PLGRKT: variants seen among roughly 807,000 people sequenced by gnomAD.
PLGRKT encodes plasminogen receptor with a C-terminal lysine.
Under a neutral mutation model 18.5 loss-of-function variants are expected in PLGRKT, and 22 were observed. The observed-to-expected ratio is 1.19, with a 90% CI of 0.85 to 1.70. The LOEUF (loss-of-function observed/expected upper bound fraction) is 1.70, where lower values mean the gene tolerates loss of function less well. PLGRKT is among the 40% of genes most tolerant of loss of function. PLGRKT has a pLI of 0.00. For missense variants in PLGRKT, 235 were observed against 174.4 expected, an observed-to-expected ratio of 1.35 and a Z score of -1.96; for synonymous variants, 72 against 52.8, an observed-to-expected ratio of 1.36 and a Z score of -1.58.
chr9:5,382,709 C>T (rs903117871), intron 3 of PLGRKT, among the ~76,000 whole-genome samples: 3 of 152,118 alleles, frequency 2.0e-5, no homozygotes, highest in East Asian at 1.9e-4. Flanking sequence ...GCCCTCTGGC[C>T]GCCCTGTGAG....
At chr9:5,430,326 G>A (rs1586747330) in intron 3 of PLGRKT, among the ~76,000 whole-genome samples, 1 of 152,192 alleles carries the variant, frequency 6.6e-6, no homozygotes, top group African/African-American at 2.4e-5. Flanking sequence ...TGACAAGGAC[G>A]TGCTAAGCAT....
At chr9:5,383,399 C>T (rs1290987573) in intron 3 of PLGRKT, among the ~76,000 whole-genome samples, 1 of 152,172 alleles carries the variant, frequency 6.6e-6, no homozygotes, top group Non-Finnish European at 1.5e-5. Flanking sequence ...CAGTGGTCCC[C>T]AACCTTTTTG....
In PLGRKT at chr9:5,418,399, G is replaced by T; in HGVS notation, c.81+13498C>A. 1 of 821,440 alleles carries T rather than the reference G, an allele frequency of 1.2e-6. No individual in the cohort carries two copies. Among genetic ancestry groups the T allele is most frequent in the South Asian group, 1.4e-5 (1 of 72,090 alleles). The allele number at this position is 821,440 out of a possible 1,614,324, so 50.9% of individuals were successfully genotyped here. A position where few individuals can be genotyped will look rare whatever the true frequency, so the allele number is the denominator to read the frequency against. The stretch of plus-strand genomic sequence containing the variant: ...ACAAGATGTCACAGTCAAGCGCTTA[G>T]AAATGCAGGACATGTTATGGAGCAC... On this transcript the variant is annotated intron_variant, in intron 3 of 5. Transcript: ENST00000223864. This position sits in a 1 kb window ranked among gnomAD's most constrained non-coding sequence, Gnocchi z 4.2.
intron 2 of PLGRKT, among the ~76,000 whole-genome samples, chr9:5,436,261 A>G (rs968416739): frequency 1.3e-5 from 2 of 152,240 alleles, no homozygotes; most frequent in Non-Finnish European, 2.9e-5. Context: ...CATGGTGTCT[A>G]CTTCCCCTAA....
chr9:5,377,807 G>A (rs113789355), intron 3 of PLGRKT, among the ~76,000 whole-genome samples: 17 of 152,264 alleles, frequency 1.1e-4, no homozygotes, highest in African/African-American at 4.1e-4. Flanking sequence ...TCTCCAAAGT[G>A]GCAAATCTCT....
upstream of PLGRKT, among the ~76,000 whole-genome samples, chr9:5,438,146 A>G (rs1053013389): frequency 6.6e-6 from 1 of 152,188 alleles, no homozygotes; most frequent in Non-Finnish European, 1.5e-5. Context: ...CATCTGTTAA[A>G]TTGGCACTAT....
chr9:5,425,032 C>T (rs1409195204), intron 3 of PLGRKT, among the ~76,000 whole-genome samples: 1 of 152,040 alleles, frequency 6.6e-6, no homozygotes, highest in Admixed American at 6.6e-5. Flanking sequence ...TTTTAAAAAA[C>T]CTTTAGTTTG....
intron 3 of PLGRKT, among the ~76,000 whole-genome samples, chr9:5,412,306 T>A (rs1818381081): frequency 6.6e-6 from 1 of 152,212 alleles, no homozygotes; most frequent in Admixed American, 6.5e-5. Context: ...AAACCCCAAA[T>A]GGATTTGGAA....
chr9:5,432,214 G>C (rs775958830), intron 2 of PLGRKT, among the ~76,000 whole-genome samples: 4 of 152,120 alleles, frequency 2.6e-5, no homozygotes, highest in South Asian at 4.2e-4. Flanking sequence ...GATTGAACTA[G>C]ATAATTTCCA....
At chr9:5,392,150 C>CA (rs1398976960) in intron 3 of PLGRKT, among the ~76,000 whole-genome samples, 8 of 151,944 alleles carry the variant, frequency 5.3e-5, no homozygotes, top group Non-Finnish European at 1.2e-4. Flanking sequence ...ACTTAAATCT[C>CA]AGACGCTGTA....
intron 3 of PLGRKT, chr9:5,419,031 T>A: frequency 2.2e-6 from 1 of 460,430 alleles, no homozygotes; most frequent in Non-Finnish European, 4.0e-6. Context: ...GAGCTGGTCT[T>A]CAGAGGCCGC....
intron 3 of PLGRKT, among the ~76,000 whole-genome samples, chr9:5,430,552 A>C (rs1216037754): frequency 6.6e-6 from 1 of 152,228 alleles, no homozygotes; most frequent in East Asian, 1.9e-4. Context: ...AACTTGAGGC[A>C]TTGTTCTATA....
chr9:5,380,387 A>G lies in PLGRKT; in HGVS notation c.82-18499T>C, dbSNP rs80334276. Among the ~76,000 whole-genome samples, 8 of 149,380 alleles carry G rather than the reference A, an allele frequency of 5.4e-5. No homozygotes were observed. In the East Asian group the frequency reaches 1.4e-3, roughly 25 times the overall value. On this transcript the variant is annotated intron_variant, in intron 3 of 5. Coordinates refer to ENST00000223864, the MANE Select transcript of PLGRKT (RefSeq NM_018465.4). ...GTCTCAATTAAAAAAAAAAAAAAAA[A>G]AAGAATAAAAATAATAGCTAATATT...
chr9:5,385,394 C>A (rs745384556), intron 3 of PLGRKT, among the ~76,000 whole-genome samples: 32 of 151,684 alleles, frequency 2.1e-4, no homozygotes, highest in Non-Finnish European at 3.7e-4. Flanking sequence ...GACATGGTTT[C>A]ACTGTGTTAG....
intron 3 of PLGRKT, among the ~76,000 whole-genome samples, chr9:5,394,068 AC>A (rs1419536054): frequency 1.3e-5 from 2 of 151,860 alleles, no homozygotes; most frequent in African/African-American, 4.9e-5. Flanking sequence ...TTTATCATTA[AC>A]ACCAAGTTTC....
chr9:5,434,227 G>A (rs1029908669), intron 2 of PLGRKT, among the ~76,000 whole-genome samples: 11 of 141,114 alleles, frequency 7.8e-5, no homozygotes, highest in Middle Eastern at 4.4e-3. Flanking sequence ...CAGCCATCCC[G>A]CCTGGGAAGT....
Position 5,403,843 on chromosome 9 carries a change from C to T in PLGRKT, c.81+28054G>A, listed in dbSNP as rs1436918041. Among the ~76,000 whole-genome samples, 9 of 152,306 alleles carry T rather than the reference C, an allele frequency of 5.9e-5. No homozygotes were observed. The East Asian group carries it at 1.5e-3, about 26-fold the overall frequency. ...AAGATGACAGAAGGAAATACCATTT[C>T]TATGGCCTCTGCCTGTTCATAGGTT... On this transcript the variant is annotated intron_variant, in intron 3 of 5. Coordinates refer to ENST00000223864, the MANE Select transcript of PLGRKT (RefSeq NM_018465.4).
In PLGRKT at chr9:5,361,168, GCTT is replaced by G. The variant is rs759042192; in HGVS notation, c.229_231del (p.Lys77del). 1.9e-6 allele frequency: 3 copies of G among 1,606,160 alleles called. No homozygotes were observed. The Admixed American group carries it at 5.1e-5, about 27-fold the overall frequency. On this transcript the variant is annotated inframe_deletion, in exon 5 of 6. Transcript: ENST00000223864. ...GGAACAATCGGGACCAGGAAGGCTG[GCTT>G]CTTTTTTTTAATCGCTCTGTTTCAA...
intron 3 of PLGRKT, among the ~76,000 whole-genome samples, chr9:5,382,390 G>T (rs1367495360): frequency 6.6e-6 from 1 of 152,198 alleles, no homozygotes; most frequent in Non-Finnish European, 1.5e-5. Flanking sequence ...TGACGTTGAA[G>T]CTGAAGATCT....
Sources: gnomAD v4.1 joint callset for allele counts (sites outside exome capture counted in the v4.1 genomes callset) on GRCh38, gnomAD v4.1.1 for gene constraint, Gnocchi (gnomAD v3.1) non-coding constraint, MANE v1.5 for transcripts, NCBI Gene and HGNC (gene_info 2026-07-23, HGNC 2026-07-21) for gene names.